Variants in TANK observed in about 807,000 individuals in gnomAD.
The protein encoded by TANK is TRAF family member-associated NF-kappa-B activator.
In TANK, 15 loss-of-function variants were observed where a neutral mutation model predicts 43.6. The observed-to-expected ratio is 0.34, with a 90% CI of 0.23 to 0.53. TANK has a LOEUF of 0.53. TANK is among the 20% of genes least tolerant of loss of function. The probability of loss-of-function intolerance (pLI) is 0.94; values close to 1 mark genes in which losing one functional copy is unlikely to be tolerated. For missense variants in TANK, 417 were observed against 498.6 expected (o/e 0.84, Z 1.56); for synonymous variants, 162 against 178.2 (o/e 0.91, Z 0.73).
In TANK at chr2:161,167,275, A is replaced by G. The variant is rs555072800; in HGVS notation, c.-50+6789A>G. 2.0e-5 allele frequency among the ~76,000 whole-genome samples: 3 copies of G among 152,332 alleles called. No individual in the cohort carries two copies. In the East Asian group the frequency reaches 5.8e-4, roughly 29 times the overall value. On this transcript the variant is annotated intron_variant, in intron 1 of 7. Coordinates refer to ENST00000392749, the MANE Select transcript of TANK (RefSeq NM_001199135.3). ...TGGAATTCCAATGTATATATACATA[A>G]CTGATCAAAGCTCAGATGTTCTGGT...
chr2:161,176,129 T>TC (rs1304743516), intron 1 of TANK, among the ~76,000 whole-genome samples: 3 of 152,160 alleles, frequency 2.0e-5, no homozygotes, highest in African/African-American at 7.2e-5. Flanking sequence ...AAAAGCATTT[T>TC]CCTGGAGTCT....
At chr2:161,198,298 G>A (rs1686248090) in intron 2 of TANK, among the ~76,000 whole-genome samples, 1 of 152,238 alleles carries the variant, frequency 6.6e-6, no homozygotes, top group African/African-American at 2.4e-5. Context: ...CTTGGGTGTA[G>A]TCTTTTACTC....
intron 6 of TANK, among the ~76,000 whole-genome samples, chr2:161,230,388 T>G (rs1687850309): frequency 6.6e-6 from 1 of 152,236 alleles, no homozygotes; most frequent in African/African-American, 2.4e-5. Context: ...AATAATCTAT[T>G]CATCCACAGT....
chr2:161,232,037 G>T (rs1291266952), intron 7 of TANK, among the ~76,000 whole-genome samples: 1 of 152,092 alleles, frequency 6.6e-6, no homozygotes, highest in Non-Finnish European at 1.5e-5. Flanking sequence ...TACATCTTCA[G>T]TTATATAGTA....
intron 1 of TANK, among the ~76,000 whole-genome samples, chr2:161,141,396 G>A (rs761798838): frequency 7.9e-5 from 12 of 152,116 alleles, no homozygotes; most frequent in East Asian, 7.7e-4. Context: ...ATACATATAC[G>A]TGTGCCATGG....
chr2:161,207,355 AG>A, intron 4 of TANK: 1 of 953,826 alleles, frequency 1.0e-6, no homozygotes, highest in Non-Finnish European at 1.2e-6. Flanking sequence ...CTTTACTAAT[AG>A]GGGAAAGGTT....
upstream of TANK, among the ~76,000 whole-genome samples, chr2:161,155,794 C>T (rs1684208963): frequency 6.6e-6 from 1 of 152,154 alleles, no homozygotes; most frequent in Non-Finnish European, 1.5e-5. Context: ...TATATTACCC[C>T]TAATGTAAAA....
chr2:161,169,316 A>G (rs915401528), intron 1 of TANK, among the ~76,000 whole-genome samples: 3 of 152,382 alleles, frequency 2.0e-5, no homozygotes, highest in Admixed American at 2.0e-4. Context: ...GAAACAAAGC[A>G]AACAAGAATT....
At chr2:161,152,640 G>T (rs1055700767) in intron 1 of TANK, among the ~76,000 whole-genome samples, 1 of 152,024 alleles carries the variant, frequency 6.6e-6, no homozygotes. Context: ...ATATGAACAG[G>T]ACCTGGCCTA....
intron 2 of TANK, among the ~76,000 whole-genome samples, chr2:161,203,210 C>T (rs2105344442): frequency 6.6e-6 from 1 of 151,718 alleles, no homozygotes; most frequent in South Asian, 2.1e-4. Context: ...AGTTTTGATC[C>T]TTACTGAAGG....
chr2:161,148,321 A>T (rs546920957), intron 1 of TANK, among the ~76,000 whole-genome samples: 1 of 152,198 alleles, frequency 6.6e-6, no homozygotes, highest in East Asian at 1.9e-4. Context: ...CCATGTGTAG[A>T]TCCTCTTTAG....
chr2:161,172,486 AT>A (rs1379836604), intron 1 of TANK, among the ~76,000 whole-genome samples: 2 of 150,474 alleles, frequency 1.3e-5, no homozygotes, highest in East Asian at 3.9e-4. Context: ...AGTTATCTTC[AT>A]TTTTTTCCTA....
intron 2 of TANK, among the ~76,000 whole-genome samples, chr2:161,187,559 A>T (rs901159997): frequency 2.6e-5 from 4 of 152,352 alleles, no homozygotes; most frequent in Non-Finnish European, 5.9e-5. Context: ...GCTCCAAAGT[A>T]TATGAAGCAA....
intron 2 of TANK, chr2:161,200,609 TA>T (rs1235026413): frequency 2.0e-5 from 18 of 905,228 alleles, no homozygotes; most frequent in Non-Finnish European, 2.0e-5. Flanking sequence ...CTTCCCTTTT[TA>T]AAAAAAAGAA....
intron 1 of TANK, chr2:161,137,201 T>C: frequency 1.0e-6 from 1 of 985,408 alleles, no homozygotes; most frequent in Non-Finnish European, 1.2e-6. Flanking sequence ...ATAATGCCTT[T>C]GTAGTTAACG....
intron 4 of TANK, chr2:161,207,919 T>C (rs1001178098): frequency 9.2e-6 from 9 of 976,632 alleles, no homozygotes; most frequent in Admixed American, 6.2e-5. Context: ...TATACTTTAA[T>C]GGTCTTCTGC....
At chr2:161,211,793 A>T (rs1686900765) in intron 4 of TANK, 2 of 985,462 alleles carry the variant, frequency 2.0e-6, no homozygotes, top group Non-Finnish European at 2.4e-6. Context: ...TGGGGCTTAG[A>T]GAACTGGAGA....
intron 3 of TANK, 85 bp downstream of exon 3, chr2:161,203,680 T>C: frequency 1.3e-6 from 1 of 773,878 alleles, no homozygotes; most frequent in Non-Finnish European, 2.1e-6. Flanking sequence ...TTTTATTCCT[T>C]CGTTGTTTCT....
At chr2:161,190,103 A>G (rs942164116) in intron 2 of TANK, among the ~76,000 whole-genome samples, 2 of 152,204 alleles carry the variant, frequency 1.3e-5, no homozygotes, top group African/African-American at 4.8e-5. Flanking sequence ...TGATATCTAG[A>G]ATATATAAAG....
Sources: allele counts gnomAD v4.1 joint callset (sites outside exome capture counted in the v4.1 genomes callset), GRCh38; gene constraint gnomAD v4.1.1; transcripts MANE v1.5; gene names NCBI Gene and HGNC (gene_info 2026-07-23, HGNC 2026-07-21).